Variants in TANK observed in about 807,000 individuals in gnomAD.
TANK encodes the protein TRAF family member-associated NF-kappa-B activator.
In TANK, 15 loss-of-function variants were observed where a neutral mutation model predicts 43.6. The ratio of observed to expected loss-of-function variants is 0.34; its 90% CI spans 0.23 to 0.53. The LOEUF is 0.53. TANK is among the 20% of genes least tolerant of loss of function. TANK has a pLI of 0.94. For synonymous variants in TANK, 162 were observed against 178.2 expected, an observed-to-expected ratio of 0.91 and a Z score of 0.73; for missense variants, 417 against 498.6, an observed-to-expected ratio of 0.84 and a Z score of 1.56.
At position 161,207,885 on chromosome 2, in the gene TANK, G is replaced by A. The variant is rs563960267; in HGVS notation, c.327+3092G>A. The A allele has an allele frequency of 4.5e-4, 439 of 984,782 alleles. 1 individual carries two copies. The highest frequency in any genetic ancestry group is 5.2e-4 in the Non-Finnish European group (430 of 829,474). The allele number at this position is 984,782 out of a possible 1,614,324, so 61.0% of individuals were successfully genotyped here. On this transcript the variant is annotated intron_variant, in intron 4 of 7. Transcript: ENST00000392749. ...AGAGAAATGGTTAAGGTGATGGTATGATTCTTTTTTATTCTATTTTTAATA... is the reference window on the plus strand; with the variant it reads ...AGAGAAATGGTTAAGGTGATGGTATAATTCTTTTTTATTCTATTTTTAATA...
intron 2 of TANK, among the ~76,000 whole-genome samples, chr2:161,183,205 C>T (rs72876024): frequency 0.017 from 2,533 of 152,250 alleles, 42 homozygotes; most frequent in Middle Eastern, 0.037. Flanking sequence ...CTTTGTGAGT[C>T]TCCTCTTGGT....
At chr2:161,190,389 TG>T (rs1464330757) in intron 2 of TANK, among the ~76,000 whole-genome samples, 2 of 152,178 alleles carry the variant, frequency 1.3e-5, no homozygotes, top group Non-Finnish European at 2.9e-5. Context: ...GAAAATGGTA[TG>T]GCAATTCTTA....
chr2:161,161,100 G>A (rs1684411491), intron 1 of TANK: 1 of 1,036,276 alleles, frequency 9.6e-7, no homozygotes, highest in Non-Finnish European at 1.3e-6. Context: ...GAACCCAGGC[G>A]TTAGGTAGAG....
chr2:161,201,732 T>C (rs1686422631), intron 2 of TANK, among the ~76,000 whole-genome samples: 1 of 152,176 alleles, frequency 6.6e-6, no homozygotes, highest in South Asian at 2.1e-4. Context: ...TGTAGATTTT[T>C]GGATCCTTCA....
rs936475426 is a variant in TANK, at chr2:161,235,343, C to T, written c.1103C>T (p.Pro368Leu). 1.3e-6 allele frequency: 2 copies of T among 1,584,030 alleles called. No homozygotes were observed. The highest frequency in any genetic ancestry group is 1.1e-5 in the South Asian group (1 of 87,224). Residue 368 changes from proline to leucine, a missense_variant and splice_region_variant, in exon 8 of 8, where the codon CCC (proline) becomes CTC (leucine). Pro to Leu is a moderately conservative substitution (Grantham distance 98). Coordinates refer to ENST00000392749, the MANE Select transcript of TANK (RefSeq NM_001199135.3). ...GATATTTTTGTTTGTTTCCTGCAGCCCATTTGGAAGCCCTTTCCTAATCAA... is the reference window on the plus strand; with the variant it reads ...GATATTTTTGTTTGTTTCCTGCAGCTCATTTGGAAGCCCTTTCCTAATCAA... ...PGKAIRGPQQ[P>L]IWKPFPNQDS...
At chr2:161,202,429 T>G (rs1044355781) in intron 2 of TANK, among the ~76,000 whole-genome samples, 4 of 152,040 alleles carry the variant, frequency 2.6e-5, no homozygotes, top group African/African-American at 9.7e-5. Flanking sequence ...GACCTCGTGA[T>G]CCACCTACCT....
chr2:161,228,567 C>CAT (rs1300413589), intron 6 of TANK, among the ~76,000 whole-genome samples: 2 of 152,050 alleles, frequency 1.3e-5, no homozygotes, highest in Non-Finnish European at 2.9e-5. Flanking sequence ...ACCCTAGTGA[C>CAT]ATTGTAGGTA....
intron 1 of TANK, among the ~76,000 whole-genome samples, chr2:161,169,885 T>C (rs192467173): frequency 6.6e-6 from 1 of 152,156 alleles, no homozygotes; most frequent in African/African-American, 2.4e-5. Context: ...GGGAAGACAA[T>C]ATATGCTTCT....
chr2:161,152,028 T>G (rs1412938964), intron 1 of TANK, among the ~76,000 whole-genome samples: 1 of 152,272 alleles, frequency 6.6e-6, no homozygotes, highest in East Asian at 1.9e-4. Context: ...TATACCAACT[T>G]AGTTTCAGTA....
chr2:161,150,036 T>G (rs1300621650), intron 1 of TANK, among the ~76,000 whole-genome samples: 3 of 152,190 alleles, frequency 2.0e-5, no homozygotes, highest in Non-Finnish European at 4.4e-5. Context: ...CCCATTTTTT[T>G]TCTAGCAGTT....
At chr2:161,155,576 A>G (rs1265017065), upstream of TANK, among the ~76,000 whole-genome samples, 1 of 152,228 alleles carries the variant, frequency 6.6e-6, no homozygotes, top group Non-Finnish European at 1.5e-5. Context: ...GGCAGACACT[A>G]TAGGTCAAAT....
At chr2:161,212,460 A>T in intron 4 of TANK, 1 of 984,554 alleles carries the variant, frequency 1.0e-6, no homozygotes, top group East Asian at 1.1e-4. Context: ...AATCTAAATT[A>T]TTAATTAATC....
rs1459771584 is a variant in TANK at position 161,232,828 on chromosome 2, A to T, written c.1101+1277A>T. On this transcript the variant is annotated intron_variant, in intron 7 of 7. Transcript: ENST00000392749. ...ACAGCTGGTATGTGATTACAACTTGATGGAAAAGTATTCAGCTTAAAAAAT... is the reference window on the plus strand; with the variant it reads ...ACAGCTGGTATGTGATTACAACTTGTTGGAAAAGTATTCAGCTTAAAAAAT... 4 of 1,550,602 alleles carry T rather than the reference A, an allele frequency of 2.6e-6. No individual in the cohort carries two copies. The South Asian group carries it at 4.8e-5, about 18-fold the overall frequency.
chr2:161,174,464 G>A (rs530707830), intron 1 of TANK, among the ~76,000 whole-genome samples: 6 of 152,192 alleles, frequency 3.9e-5, no homozygotes, highest in Admixed American at 6.5e-5. Flanking sequence ...CTAGCAACTG[G>A]TTTGCAATCA....
chr2:161,231,537 C>T lies in TANK; in HGVS notation c.1087C>T (p.Arg363Ter). The change falls in exon 7 of 8, where the codon CGA becomes TGA. Residue 363 changes from arginine to a stop codon, truncating the protein, a stop_gained. Coordinates refer to ENST00000392749, the MANE Select transcript of TANK (RefSeq NM_001199135.3). LOFTEE classifies it high-confidence loss of function. ...ACTCGATTCCCCGGGAAAAGCAATC[C>T]GAGGACCACAGCAGGTAACTGTTTT... ...PSLDSPGKAI[R>*]GPQQPIWKPF... The T allele has an allele frequency of 2.5e-6, 4 of 1,611,922 alleles. No homozygotes were observed. The highest frequency in any genetic ancestry group is 3.4e-6 in the Non-Finnish European group (4 of 1,179,944).
chr2:161,203,372 A>G (rs1686506062), intron 2 of TANK, 115 bp from the exon 3 acceptor site: 1 of 655,474 alleles, frequency 1.5e-6, no homozygotes. Flanking sequence ...ATAAATCACA[A>G]TACCTGCAAA....
intron 4 of TANK, among the ~76,000 whole-genome samples, chr2:161,221,475 CAAAA>C (rs1226259655): frequency 6.6e-6 from 1 of 151,988 alleles, no homozygotes; most frequent in Non-Finnish European, 1.5e-5. Context: ...AATGCATTGA[CAAAA>C]AAGTCTGAGT....
intron 4 of TANK, chr2:161,212,365 C>T: frequency 2.0e-6 from 2 of 984,376 alleles, no homozygotes; most frequent in Non-Finnish European, 2.4e-6. Context: ...CTGGCTGATA[C>T]ACAAACTCTT....
At chr2:161,215,240 A>G (rs1452306817) in intron 4 of TANK, among the ~76,000 whole-genome samples, 1 of 152,190 alleles carries the variant, frequency 6.6e-6, no homozygotes, top group Non-Finnish European at 1.5e-5. Context: ...TTAGAAAAAA[A>G]TCATATTGCC....
Sources: allele counts gnomAD v4.1 joint callset (sites outside exome capture counted in the v4.1 genomes callset), GRCh38; gene constraint gnomAD v4.1.1; transcripts MANE v1.5; gene names NCBI Gene and HGNC (gene_info 2026-07-23, HGNC 2026-07-21).